IMPA2: variants seen among roughly 807,000 people sequenced by gnomAD.
IMPA2 encodes inositol monophosphatase 2.
IMPA2 carries 32 observed loss-of-function variants against 35.1 expected under a neutral mutation model. The ratio of observed to expected loss-of-function variants is 0.91; its 90% CI spans 0.69 to 1.23. The LOEUF (loss-of-function observed/expected upper bound fraction) is 1.23. Ranked by LOEUF, IMPA2 falls within the 50% of genes most tolerant of loss-of-function variation. The probability of loss-of-function intolerance (pLI) is 0.00; values close to 1 mark genes in which losing one functional copy is unlikely to be tolerated. For synonymous variants in IMPA2, 135 were observed against 160.6 expected (o/e 0.84, Z 1.20); for missense variants, 334 against 387.6 (o/e 0.86, Z 1.16).
intron 2 of IMPA2, among the ~76,000 whole-genome samples, chr18:11,999,918 C>T (rs903928284): frequency 3.3e-5 from 5 of 152,098 alleles, no homozygotes; most frequent in African/African-American, 9.7e-5. Context: ...CTCTAAGGCC[C>T]CTCTCTCACC....
intron 2 of IMPA2, 97 bp from the exon 3 acceptor site, chr18:12,009,786 C>A: frequency 1.2e-6 from 1 of 850,216 alleles, no homozygotes; most frequent in South Asian, 1.4e-5. Context: ...CATCTGTTTG[C>A]TGTGCCACCT....
chr18:12,008,472 A>G, intron 2 of IMPA2: 1 of 479,684 alleles, frequency 2.1e-6, no homozygotes, highest in South Asian at 1.5e-5. Flanking sequence ...AACTTGGGAC[A>G]GTCCAAGAGT....
In IMPA2 at chr18:12,009,629, AATTCC is replaced by A. The variant is rs377297933; in HGVS notation, c.231-253_231-249del. Among the ~76,000 whole-genome samples, 1,057 of 152,236 alleles carry A rather than the reference AATTCC, an allele frequency of 6.9e-3. 8 individuals carry two copies. Among genetic ancestry groups the A allele is most frequent in the South Asian group, 0.01 (49 of 4,818 alleles). ...TGCATTTCTCTGCCTGGCCTGCTGG[AATTCC>A]CTGGTGCTCTTTCTGAACGCTGGCA... On this transcript the variant is annotated intron_variant, in intron 2 of 7. Coordinates refer to ENST00000269159, the MANE Select transcript of IMPA2 (RefSeq NM_014214.3).
rs536340638 is a variant in IMPA2, at chr18:12,029,536, C to T, written c.751+543C>T. ...TTCCAGGTTCAAGCAATTCTCCTGCCTTGGCCTCCCGAATAGCTGGGACTA... is the reference window on the plus strand; with the variant it reads ...TTCCAGGTTCAAGCAATTCTCCTGCTTTGGCCTCCCGAATAGCTGGGACTA... On this transcript the variant is annotated intron_variant, in intron 7 of 7. Coordinates refer to ENST00000269159, the MANE Select transcript of IMPA2 (RefSeq NM_014214.3). Among the ~76,000 whole-genome samples the T allele has an allele frequency of 2.1e-3, 321 of 152,262 alleles. 1 individual carries two copies. Among genetic ancestry groups the T allele is most frequent in the African/African-American group, 7.3e-3 (305 of 41,550 alleles).
At chr18:12,027,475 G>A (rs1433497888) in intron 5 of IMPA2, among the ~76,000 whole-genome samples, 1 of 151,724 alleles carries the variant, frequency 6.6e-6, no homozygotes, top group East Asian at 1.9e-4. Context: ...GATTGCAGCA[G>A]TTAGACGATT....
intron 1 of IMPA2, among the ~76,000 whole-genome samples, chr18:11,993,767 A>G (rs1267471103): frequency 3.9e-5 from 6 of 152,224 alleles, no homozygotes; most frequent in Non-Finnish European, 8.8e-5. Context: ...CAGGGATGTC[A>G]TTGCAGGCAC....
chr18:12,005,592 A>C (rs62099914), intron 2 of IMPA2, among the ~76,000 whole-genome samples: 7,215 of 152,348 alleles, frequency 0.047, 244 homozygotes, highest in South Asian at 0.076. Flanking sequence ...AAGCTTTGTT[A>C]ACAAATTAAC....
In IMPA2 at chr18:11,981,564, G is replaced by A. The variant is rs984754679; in HGVS notation, c.-106G>A. ...CGGCGGACTAGGCACAGAGCTGCGG[G>A]AGCAGGCACAGGGAGTGTGGAGCCT... is the stretch of plus-strand genomic sequence containing the variant. On this transcript the variant is annotated 5_prime_UTR_variant, in exon 1 of 8. Transcript: ENST00000269159. The A allele has an allele frequency of 1.4e-6, 1 of 707,444 alleles. No homozygotes were observed. Among genetic ancestry groups the A allele is most frequent in the East Asian group, 3.5e-5 (1 of 28,820 alleles). The allele number at this position is 707,444 out of a possible 1,614,324, so 43.8% of individuals were successfully genotyped here.
intron 2 of IMPA2, among the ~76,000 whole-genome samples, chr18:12,007,968 C>CT (rs933903107): frequency 8.7e-5 from 13 of 150,112 alleles, no homozygotes; most frequent in African/African-American, 2.2e-4. Flanking sequence ...ATTTCTTTTT[C>CT]TTTTTTTTTC....
intron 5 of IMPA2, among the ~76,000 whole-genome samples, chr18:12,022,782 CTT>C (rs71172045): frequency 7.0e-6 from 1 of 142,616 alleles, no homozygotes; most frequent in Admixed American, 7.0e-5. Context: ...ATACTCTGTT[CTT>C]TTTTTTTTTT....
chr18:12,012,147 A>G, intron 3 of IMPA2, 23 bp from the exon 4 acceptor site: 15 of 1,613,414 alleles, frequency 9.3e-6, no homozygotes, highest in Non-Finnish European at 1.3e-5. Context: ...CCAGAGAGTA[A>G]ACCTTTCTAT....
Position 11,981,640 on chromosome 18 carries a change from C to T in IMPA2, c.-30C>T, listed in dbSNP as rs1906500312. 7.4e-6 allele frequency: 9 copies of T among 1,220,772 alleles called. No individual in the cohort carries two copies. In the South Asian group the frequency reaches 3.3e-4, roughly 44 times the overall value. 75.6% of individuals were successfully genotyped at this position (1,220,772 alleles called of 1,614,324 possible). ...GGAGCCGGAGTCCCGCCGAGGGGGG[C>T]TGGAGGTGGAGGGGCCCGGCGAGGC... On this transcript the variant is annotated 5_prime_UTR_variant, in exon 1 of 8. Transcript: ENST00000269159.
chr18:11,981,628 C>A lies in IMPA2; in HGVS notation c.-42C>A. The A allele has an allele frequency of 2.5e-6, 3 of 1,202,894 alleles. No individual in the cohort carries two copies. The highest frequency in any genetic ancestry group is 2.1e-6 in the Non-Finnish European group (2 of 963,256). 74.5% of individuals were successfully genotyped at this position (1,202,894 alleles called of 1,614,324 possible). Reference sequence around the variant, plus strand: ...CGGGATCCGGTGGGAGCCGGAGTCCCGCCGAGGGGGGCTGGAGGTGGAGGG... The same window carrying A: ...CGGGATCCGGTGGGAGCCGGAGTCCAGCCGAGGGGGGCTGGAGGTGGAGGG... On this transcript the variant is annotated 5_prime_UTR_variant, in exon 1 of 8. Coordinates refer to ENST00000269159, the MANE Select transcript of IMPA2 (RefSeq NM_014214.3).
intron 5 of IMPA2, among the ~76,000 whole-genome samples, chr18:12,019,536 G>A (rs1375630780): frequency 6.7e-6 from 1 of 150,098 alleles, no homozygotes; most frequent in East Asian, 2.0e-4. Flanking sequence ...CCAAAGTTCT[G>A]TAATTACAGG....
intron 1 of IMPA2, among the ~76,000 whole-genome samples, chr18:11,992,126 G>A (rs1906832617): frequency 4.6e-5 from 7 of 152,252 alleles, no homozygotes; most frequent in Admixed American, 3.3e-4. Context: ...ACAGGCATGA[G>A]CCACCACGCC....
At chr18:12,003,528 G>T (rs1205576143) in intron 2 of IMPA2, among the ~76,000 whole-genome samples, 1 of 151,984 alleles carries the variant, frequency 6.6e-6, no homozygotes, top group Admixed American at 6.6e-5. Flanking sequence ...GCGCATGCCT[G>T]TAGTCCCAGC....
chr18:12,006,558 C>T (rs1907252558), intron 2 of IMPA2, among the ~76,000 whole-genome samples: 1 of 152,228 alleles, frequency 6.6e-6, no homozygotes, highest in South Asian at 2.1e-4. Context: ...TTGCTTAGTG[C>T]TCCTGGCTTG....
intron 6 of IMPA2, chr18:12,028,396 A>C (rs960490989): frequency 1.9e-6 from 1 of 518,020 alleles, no homozygotes; most frequent in Non-Finnish European, 3.4e-6. Context: ...AACTGACCTC[A>C]TGCTGCTCAA....
intron 5 of IMPA2, among the ~76,000 whole-genome samples, chr18:12,026,270 T>G (rs1598706688): frequency 6.6e-6 from 1 of 152,184 alleles, no homozygotes; most frequent in Admixed American, 6.5e-5. Context: ...CAGCCTCAGG[T>G]GATCTGCCCG....
Sources: gnomAD v4.1 joint callset for allele counts (sites outside exome capture counted in the v4.1 genomes callset) on GRCh38, gnomAD v4.1.1 for gene constraint, MANE v1.5 for transcripts, NCBI Gene and HGNC (gene_info 2026-07-23, HGNC 2026-07-21) for gene names.